The following DEUP1 variants were observed in gnomAD, a reference collection of about 807,000 sequenced individuals.
The protein encoded by DEUP1 is coiled-coil domain containing 67.
In DEUP1, 82 loss-of-function variants were observed where a neutral mutation model predicts 87.4. That is an observed-to-expected ratio of 0.94 (90% CI 0.78 to 1.13). The LOEUF (loss-of-function observed/expected upper bound fraction) is 1.13, where lower values mean the gene tolerates loss of function less well. Ranked by LOEUF, DEUP1 falls within the 50% of genes most tolerant of loss-of-function variation. DEUP1 has a pLI of 0.00. For synonymous variants in DEUP1, 214 were observed against 222.7 expected, an observed-to-expected ratio of 0.96 and a Z score of 0.35; for missense variants, 663 against 681.5, an observed-to-expected ratio of 0.97 and a Z score of 0.30.
chr11:93,364,538 G>A (rs537861273), intron 5 of DEUP1, among the ~76,000 whole-genome samples: 1 of 150,860 alleles, frequency 6.6e-6, no homozygotes, highest in East Asian at 1.9e-4. Flanking sequence ...AAAAAAAAAA[G>A]AGCCAAAAAA....
intron 2 of DEUP1, among the ~76,000 whole-genome samples, chr11:93,350,551 C>T (rs897108452): frequency 6.6e-6 from 1 of 152,152 alleles, no homozygotes; most frequent in African/African-American, 2.4e-5. Context: ...CTTTGGCATG[C>T]TTCAGAATCA....
rs1591086744 is a variant in DEUP1, at chr11:93,342,431, A to G, written c.29+10143A>G. Reference sequence around the variant, plus strand: ...TCACAGAGGCAGCAAAGAGGACTCTAGCTGCAAGAGAAGGCACTGAGGCAA... The same window carrying G: ...TCACAGAGGCAGCAAAGAGGACTCTGGCTGCAAGAGAAGGCACTGAGGCAA... On this transcript the variant is annotated intron_variant, in intron 2 of 13. Coordinates refer to ENST00000298050, the MANE Select transcript of DEUP1 (RefSeq NM_181645.4). Among the ~76,000 whole-genome samples, 2 of 152,160 alleles carry G rather than the reference A, an allele frequency of 1.3e-5. 1 individual carries two copies. The highest frequency in any genetic ancestry group is 4.0e-4 in the East Asian group (2 of 5,036).
chr11:93,366,298 T>C (rs908582635), intron 5 of DEUP1, among the ~76,000 whole-genome samples: 4 of 152,238 alleles, frequency 2.6e-5, no homozygotes, highest in African/African-American at 9.6e-5. Context: ...AAAACCGTTT[T>C]ACAGGTGAAG....
At chr11:93,362,728 T>C (rs766686297) in intron 4 of DEUP1, among the ~76,000 whole-genome samples, 1 of 151,846 alleles carries the variant, frequency 6.6e-6, no homozygotes, top group Non-Finnish European at 1.5e-5. Context: ...AACATGTATC[T>C]ACACAAAAAC....
intron 4 of DEUP1, among the ~76,000 whole-genome samples, chr11:93,362,246 C>T (rs1157680498): frequency 2.0e-5 from 3 of 151,894 alleles, no homozygotes; most frequent in Non-Finnish European, 4.4e-5. Context: ...TTTTGTGCTT[C>T]AAAGGACACC....
chr11:93,420,565 C>A lies in DEUP1; in HGVS notation c.1638+5451C>A, dbSNP rs1409348776. Reference sequence around the variant, plus strand: ...ATAGTGTTGGAAGTTCTGGCCAGGGCAATTAGGCAGGAGAAGGAAATAAAG... The same window carrying A: ...ATAGTGTTGGAAGTTCTGGCCAGGGAAATTAGGCAGGAGAAGGAAATAAAG... On this transcript the variant is annotated intron_variant, in intron 13 of 13. Coordinates refer to ENST00000298050, the MANE Select transcript of DEUP1 (RefSeq NM_181645.4). 6.2e-5 allele frequency among the ~76,000 whole-genome samples: 9 copies of A among 144,444 alleles called. No homozygotes were observed. The South Asian group carries it at 2.1e-3, about 33-fold the overall frequency. 94.8% of individuals were successfully genotyped at this position (144,444 alleles called of 152,430 possible).
chr11:93,334,569 G>A (rs1375528582), intron 2 of DEUP1, among the ~76,000 whole-genome samples: 1 of 151,044 alleles, frequency 6.6e-6, no homozygotes, highest in African/African-American at 2.4e-5. Context: ...ACTTTGGTAA[G>A]GCAGCATTCG....
At chr11:93,403,532 T>C (rs1348491894) in intron 11 of DEUP1, among the ~76,000 whole-genome samples, 1 of 151,866 alleles carries the variant, frequency 6.6e-6, no homozygotes, top group African/African-American at 2.4e-5. Context: ...TTATAATTCC[T>C]TTCTTATTTC....
intron 2 of DEUP1, among the ~76,000 whole-genome samples, chr11:93,334,166 A>G (rs974783700): frequency 2.0e-5 from 3 of 152,180 alleles, no homozygotes; most frequent in African/African-American, 7.2e-5. Flanking sequence ...CACGGTCTCC[A>G]AAGCATGGAG....
At chr11:93,392,920 TCTCCTCCCTCCTCTTCCTCCTC>T (rs150194558) in intron 9 of DEUP1, among the ~76,000 whole-genome samples, 35,621 of 148,184 alleles carry the variant, frequency 0.24, 4,703 homozygotes, top group Middle Eastern at 0.37. Context: ...CCCTCCTCCT[TCTCCTCCCTCCTCTTCCTCCTC>T]CTCCTCCCTC....
At position 93,414,984 on chromosome 11, in the gene DEUP1, A is replaced by C; in HGVS notation, c.1524-16A>C. The stretch of plus-strand genomic sequence containing the variant: ...GTCCTTGATAGCAACAACAACAACC[A>C]TTTCTTCTCTTTTAGACTTAGTCAT... On this transcript the variant is annotated splice_polypyrimidine_tract_variant and intron_variant, in intron 12 of 13. Transcript: ENST00000298050. 1.4e-6 allele frequency: 2 copies of C among 1,406,032 alleles called. No individual in the cohort carries two copies. The highest frequency in any genetic ancestry group is 1.9e-6 in the Non-Finnish European group (2 of 1,046,172). 87.1% of individuals were successfully genotyped at this position (1,406,032 alleles called of 1,614,324 possible).
chr11:93,349,610 A>C (rs1223516146), intron 2 of DEUP1, among the ~76,000 whole-genome samples: 1 of 152,122 alleles, frequency 6.6e-6, no homozygotes, highest in African/African-American at 2.4e-5. Flanking sequence ...TGTTCAAAGA[A>C]GAGCTAGAAT....
At chr11:93,427,572 C>T (rs1251107568) in intron 13 of DEUP1, among the ~76,000 whole-genome samples, 2 of 151,260 alleles carry the variant, frequency 1.3e-5, no homozygotes, top group Non-Finnish European at 3.0e-5. Flanking sequence ...TGGGCAAGGA[C>T]TTCATGTCTA....
intron 2 of DEUP1, among the ~76,000 whole-genome samples, chr11:93,333,305 G>C (rs1413502650): frequency 1.3e-5 from 2 of 152,138 alleles, no homozygotes; most frequent in Admixed American, 6.5e-5. Context: ...GGATTGGTTT[G>C]GCAACTCTGC....
chr11:93,359,511 G>A (rs1301777758), intron 4 of DEUP1, among the ~76,000 whole-genome samples: 1 of 152,150 alleles, frequency 6.6e-6, no homozygotes, highest in African/African-American at 2.4e-5. Context: ...GAGACAGATT[G>A]GCTAAGGACC....
At chr11:93,379,145 T>C (rs926675010) in intron 7 of DEUP1, among the ~76,000 whole-genome samples, 12 of 152,180 alleles carry the variant, frequency 7.9e-5, no homozygotes, top group East Asian at 3.9e-4. Context: ...AATAATTCTA[T>C]TGGGGCCATT....
intron 2 of DEUP1, among the ~76,000 whole-genome samples, chr11:93,347,721 T>C (rs1944423801): frequency 6.6e-6 from 1 of 151,926 alleles, no homozygotes; most frequent in African/African-American, 2.4e-5. Flanking sequence ...AGATTCAGTT[T>C]TTTGGGGGGG....
chr11:93,376,280 C>T (rs1946037270), intron 7 of DEUP1, among the ~76,000 whole-genome samples: 1 of 152,120 alleles, frequency 6.6e-6, no homozygotes, highest in South Asian at 2.1e-4. Flanking sequence ...TGCTCTCGTT[C>T]TTTTCAGAGT....
At position 93,347,116 on chromosome 11, in the gene DEUP1, G is replaced by T. The variant is rs530759366; in HGVS notation, c.30-8255G>T. ...TGGTGGGAGAGGGCATCCTTGTCTTGTGTCTGTTTTCAAGGGGAATGCTTC... is the reference window on the plus strand; with the variant it reads ...TGGTGGGAGAGGGCATCCTTGTCTTTTGTCTGTTTTCAAGGGGAATGCTTC... On this transcript the variant is annotated intron_variant, in intron 2 of 13. Coordinates refer to ENST00000298050, the MANE Select transcript of DEUP1 (RefSeq NM_181645.4). Among the ~76,000 whole-genome samples, 24 of 152,304 alleles carry T rather than the reference G, an allele frequency of 1.6e-4. 1 individual carries two copies. In the South Asian group the frequency reaches 3.9e-3, roughly 25 times the overall value.
Sources: allele counts gnomAD v4.1 joint callset (sites outside exome capture counted in the v4.1 genomes callset), GRCh38; gene constraint gnomAD v4.1.1; transcripts MANE v1.5; gene names NCBI Gene and HGNC (gene_info 2026-07-23, HGNC 2026-07-21).